The following DMRTA1 variants were observed in gnomAD, a reference collection of about 807,000 sequenced individuals.
DMRTA1 encodes the protein doublesex- and mab-3-related transcription factor A1.
Under a neutral mutation model 35.2 loss-of-function variants are expected in DMRTA1, and 34 were observed. That is an observed-to-expected ratio of 0.97 (90% CI 0.74 to 1.29). The LOEUF (loss-of-function observed/expected upper bound fraction) is 1.29. DMRTA1 is among the 50% of genes most tolerant of loss of function. The probability of loss-of-function intolerance (pLI) is 0.00; values close to 1 mark genes in which losing one functional copy is unlikely to be tolerated. For missense variants in DMRTA1, 824 were observed against 644.6 expected, an observed-to-expected ratio of 1.28 and a Z score of -3.01; for synonymous variants, 344 against 276.6, an observed-to-expected ratio of 1.24 and a Z score of -2.42.
Position 22,451,127 on chromosome 9 carries a change from A to T in DMRTA1, c.731A>T (p.His244Leu), listed in dbSNP as rs764433058. 36 of 1,613,892 alleles carry T rather than the reference A, an allele frequency of 2.2e-5. No homozygotes were observed. The highest frequency in any genetic ancestry group is 3.1e-5 in the Non-Finnish European group (36 of 1,179,950). The change falls in exon 2 of 2, where the codon CAT (histidine) becomes CTT (leucine). Residue 244 changes from histidine (H) to leucine (L), a missense_variant. Transcript: ENST00000325870. The part of the protein sequence containing the change: ...NGQEELISKS[H>L]QLYLGSSSRS... ...CAAGAAGAACTGATCTCCAAATCCC[A>T]TCAGCTTTACCTAGGATCATCTTCT...
At position 22,447,298 on chromosome 9, in the gene DMRTA1, C is replaced by A; in HGVS notation, c.233C>A (p.Pro78His). The part of the protein sequence containing the change: ...TSGSGGCPPA[P>H]GLESGVGAVG... ...GGAAGCGGAGGCTGCCCGCCGGCTC[C>A]CGGGCTGGAGAGCGGGGTAGGCGCG... The change falls in exon 1 of 2, where the codon CCC becomes CAC. Residue 78 changes from proline (P) to histidine (H), a missense_variant. Coordinates refer to ENST00000325870, the MANE Select transcript of DMRTA1 (RefSeq NM_022160.3). 1 of 1,509,884 alleles carries A rather than the reference C, an allele frequency of 6.6e-7. No individual in the cohort carries two copies. The highest frequency in any genetic ancestry group is 2.7e-5 in the East Asian group (1 of 36,556). The allele number at this position is 1,509,884 out of a possible 1,614,324, so 93.5% of individuals were successfully genotyped here.
chr9:22,450,979 T>G, intron 1 of DMRTA1, 85 bp from the exon 2 acceptor site: 1 of 1,341,614 alleles, frequency 7.5e-7, no homozygotes, highest in Non-Finnish European at 1.0e-6. Flanking sequence ...ATTAATTATA[T>G]TATCCAGCAT....
chr9:22,447,350 C>T lies in DMRTA1; in HGVS notation c.285C>T (p.Pro95=). 6.5e-7 allele frequency: 1 copy of T among 1,534,536 alleles called. No individual in the cohort carries two copies. Among genetic ancestry groups the T allele is most frequent in the Non-Finnish European group, 8.7e-7 (1 of 1,145,090 alleles). ...GAVGCGYPRT[P]KCARCRNHGV... is the part of the protein sequence containing the mutation. Reference sequence around the variant, plus strand: ...TGGGCTGCGGCTACCCGCGGACGCCCAAGTGCGCCCGCTGTCGTAACCATG... The same window carrying T: ...TGGGCTGCGGCTACCCGCGGACGCCTAAGTGCGCCCGCTGTCGTAACCATG... The change falls in exon 1 of 2, where the codon CCC becomes CCT. Residue 95 remains proline, a synonymous_variant. Transcript: ENST00000325870.
rs1245309001 is a variant in DMRTA1, at chr9:22,451,282, T to C, written c.886T>C (p.Ser296Pro). 2 of 1,614,096 alleles carry C rather than the reference T, an allele frequency of 1.2e-6. No homozygotes were observed. The change falls in exon 2 of 2, where the codon TCA becomes CCA. Residue 296 changes from serine to proline, a missense_variant. Coordinates refer to ENST00000325870, the MANE Select transcript of DMRTA1 (RefSeq NM_022160.3). ...SGGEESPRSLSSSDLESGNES... is the reference protein window; with the variant it reads ...SGGEESPRSLPSSDLESGNES... ...AGGTGAAGAGAGTCCCAGGTCCTTA[T>C]CATCCTCTGATCTGGAATCAGGAAA...
At chr9:22,450,567 T>C (rs538247) in intron 1 of DMRTA1, among the ~76,000 whole-genome samples, 42,192 of 152,088 alleles carry the variant, frequency 0.28, 7,205 homozygotes, top group African/African-American at 0.48. Context: ...TGTTAAAATT[T>C]AGCATTAGTG....
chr9:22,450,938 G>T, intron 1 of DMRTA1, 126 bp from the exon 2 acceptor site: 1 of 971,752 alleles, frequency 1.0e-6, no homozygotes, highest in Non-Finnish European at 1.5e-6. Flanking sequence ...ATGTCTTGGA[G>T]TGTATAAATA....
Position 22,451,695 on chromosome 9 carries a change from T to C in DMRTA1, c.1299T>C (p.Gly433=). The C allele has an allele frequency of 6.2e-7, 1 of 1,614,100 alleles. No individual in the cohort carries two copies. The highest frequency in any genetic ancestry group is 1.1e-5 in the South Asian group (1 of 91,082). ...TCTACGGCGTAAATCCTAGAGTAGG[T>C]ATCAGTCCATTAAGGCTGGCATATT... The part of the protein sequence containing the change: ...SSLYGVNPRV[G]ISPLRLAYSS... Residue 433 remains glycine (G), a synonymous_variant, in exon 2 of 2, where the codon GGT becomes GGC. Transcript: ENST00000325870.
Position 22,447,643 on chromosome 9 carries a change from C to T in DMRTA1, c.578C>T (p.Ala193Val), listed in dbSNP as rs761323285. ...ACGGGCGGCCCTGCGGCGGGGGCTG[C>T]GCTGGGACTGGGTGCCTTGAGACAG... Reference protein sequence around the residue: ...QSTGGPAAGAALGLGALRQAS... With the variant: ...QSTGGPAAGAVLGLGALRQAS... The change falls in exon 1 of 2, where the codon GCG becomes GTG. Residue 193 changes from alanine (A) to valine (V), a missense_variant. Transcript: ENST00000325870. 1.9e-5 allele frequency: 31 copies of T among 1,607,926 alleles called. No homozygotes were observed. The South Asian group carries it at 2.5e-4, about 13-fold the overall frequency.
In DMRTA1 at chr9:22,452,715, T is replaced by G. The variant is rs183176242; in HGVS notation, c.*804T>G. The G allele has an allele frequency of 6.6e-6, 1 of 152,268 alleles. No homozygotes were observed. Among genetic ancestry groups the G allele is most frequent in the East Asian group, 1.9e-4 (1 of 5,188 alleles). The allele number at this position is 152,268 out of a possible 1,614,324, so 9.4% of individuals were successfully genotyped here. A position where few individuals can be genotyped will look rare whatever the true frequency, so the allele number is the denominator to read the frequency against. On this transcript the variant is annotated 3_prime_UTR_variant, in exon 2 of 2. Transcript: ENST00000325870. ...TTTTTCAAATAGTCATTTTGGATTA[T>G]ACTACATTAAAATTTCCATACTGTA...
In DMRTA1 at chr9:22,447,245, G is replaced by A; in HGVS notation, c.180G>A (p.Ala60=). Residue 60 remains alanine (A), a synonymous_variant, in exon 1 of 2, where the codon GCG becomes GCA. Coordinates refer to ENST00000325870, the MANE Select transcript of DMRTA1 (RefSeq NM_022160.3). ...GCCTCTTTCTGCGAGCAGCGGCCGC[G>A]GCCGCCGCCGCCGCTGCCGCCACCT... is the stretch of plus-strand genomic sequence containing the variant. ...PPSLFLRAAA[A]AAAAAAATSG... is the part of the protein sequence containing the mutation. 1 of 1,505,358 alleles carries A rather than the reference G, an allele frequency of 6.6e-7. No individual in the cohort carries two copies. The highest frequency in any genetic ancestry group is 1.5e-5 in the African/African-American group (1 of 68,416). 93.3% of individuals were successfully genotyped at this position (1,505,358 alleles called of 1,614,324 possible). A position where few individuals can be genotyped will look rare whatever the true frequency, so the allele number is the denominator to read the frequency against.
intron 1 of DMRTA1, among the ~76,000 whole-genome samples, chr9:22,449,491 C>G (rs908651066): frequency 6.6e-6 from 1 of 152,028 alleles, no homozygotes; most frequent in Non-Finnish European, 1.5e-5. Flanking sequence ...ATATATTGTA[C>G]TGTGAGTAAA....
chr9:22,451,821 A>G lies in DMRTA1; in HGVS notation c.1425A>G (p.Ser475=), dbSNP rs1563826806. The change falls in exon 2 of 2, where the codon TCA becomes TCG. Residue 475 remains serine, a synonymous_variant. Transcript: ENST00000325870. ...PFRPALDYAF[S]GMIRDSSYLS... is the part of the protein sequence containing the mutation. ...GGCCAGCTTTGGATTATGCCTTTTCAGGGATGATTAGAGATTCTTCCTACC... is the reference window on the plus strand; with the variant it reads ...GGCCAGCTTTGGATTATGCCTTTTCGGGGATGATTAGAGATTCTTCCTACC... The G allele has an allele frequency of 2.5e-6, 4 of 1,614,080 alleles. No homozygotes were observed. The highest frequency in any genetic ancestry group is 1.1e-5 in the South Asian group (1 of 91,088).
At position 22,452,565 on chromosome 9, in the gene DMRTA1, ACT is replaced by A. The variant is rs1252271882; in HGVS notation, c.*655_*656del. On this transcript the variant is annotated 3_prime_UTR_variant, in exon 2 of 2. Transcript: ENST00000325870. ...AAAAACATTTCTCTTTAAAGTTGAC[ACT>A]GTGTCTATGAAGTAAATTTTAGGAA... The A allele has an allele frequency of 6.6e-6, 1 of 152,236 alleles. No homozygotes were observed. The highest frequency in any genetic ancestry group is 1.5e-5 in the Non-Finnish European group (1 of 68,072). The allele number at this position is 152,236 out of a possible 1,614,324, so 9.4% of individuals were successfully genotyped here.
intron 1 of DMRTA1, among the ~76,000 whole-genome samples, chr9:22,450,239 G>A (rs1204128642): frequency 6.6e-6 from 1 of 152,092 alleles, no homozygotes; most frequent in East Asian, 1.9e-4. Context: ...TGCCTAATAT[G>A]TTGTTTTTAA....
In DMRTA1 at chr9:22,453,564, A is replaced by G. The variant is rs1421750202; in HGVS notation, c.*1653A>G. On this transcript the variant is annotated 3_prime_UTR_variant, in exon 2 of 2. Transcript: ENST00000325870. ...TATTCATTTATTATAAAAAAGTTTT[A>G]TATTCTAAGCCTAAACCGTAGTACA... 6.6e-6 allele frequency: 1 copy of G among 152,104 alleles called. No individual in the cohort carries two copies. Among genetic ancestry groups the G allele is most frequent in the Non-Finnish European group, 1.5e-5 (1 of 67,938 alleles). 9.4% of individuals were successfully genotyped at this position (152,104 alleles called of 1,614,324 possible). A position where few individuals can be genotyped will look rare whatever the true frequency, so the allele number is the denominator to read the frequency against.
rs1818927945 is a variant in DMRTA1, at chr9:22,451,514, A to G, written c.1118A>G (p.Asn373Ser). Residue 373 changes from asparagine (N) to serine (S), a missense_variant, in exon 2 of 2, where the codon AAC (asparagine) becomes AGC (serine). Physicochemically the swap from Asn to Ser is conservative, Grantham distance 46. Transcript: ENST00000325870. ...VLNGKEHKPDNRNLANSEELE... is the reference protein window; with the variant it reads ...VLNGKEHKPDSRNLANSEELE... ...AATGGCAAAGAACACAAGCCAGACA[A>G]CAGGAACCTAGCAAACTCAGAAGAA... 1 of 1,614,178 alleles carries G rather than the reference A, an allele frequency of 6.2e-7. No individual in the cohort carries two copies.
chr9:22,448,685 T>A lies in DMRTA1; in HGVS notation c.667+953T>A, dbSNP rs527668579. Among the ~76,000 whole-genome samples, 10 of 152,242 alleles carry A rather than the reference T, an allele frequency of 6.6e-5. No individual in the cohort carries two copies. In the South Asian group the frequency reaches 1.9e-3, roughly 28 times the overall value. On this transcript the variant is annotated intron_variant, in intron 1 of 1. Coordinates refer to ENST00000325870, the MANE Select transcript of DMRTA1 (RefSeq NM_022160.3). ...ATTGTATGATAGCTATACAGTAAACTATTAATTAGAAACCTTCCTTGAATT... is the reference window on the plus strand; with the variant it reads ...ATTGTATGATAGCTATACAGTAAACAATTAATTAGAAACCTTCCTTGAATT...
Position 22,447,078 on chromosome 9 carries a change from C to G in DMRTA1, c.13C>G (p.Gln5Glu). MERS[Q>E]CGSRDRGVSG... ...AAATTTCTCGGGAATGGAGCGGTCACAGTGTGGCAGCAGAGACCGAGGCGT... is the reference window on the plus strand; with the variant it reads ...AAATTTCTCGGGAATGGAGCGGTCAGAGTGTGGCAGCAGAGACCGAGGCGT... The change falls in exon 1 of 2, where the codon CAG becomes GAG. Residue 5 changes from glutamine to glutamate, a missense_variant. By Grantham distance (29) the Gln-to-Glu change is conservative. Coordinates refer to ENST00000325870, the MANE Select transcript of DMRTA1 (RefSeq NM_022160.3). 6.2e-7 allele frequency: 1 copy of G among 1,609,390 alleles called. No individual in the cohort carries two copies. Among genetic ancestry groups the G allele is most frequent in the Non-Finnish European group, 8.5e-7 (1 of 1,178,562 alleles).
chr9:22,447,288 C>A lies in DMRTA1; in HGVS notation c.223C>A (p.Pro75Thr), dbSNP rs767550081. The A allele has an allele frequency of 5.4e-5, 82 of 1,505,238 alleles. No individual in the cohort carries two copies. Among genetic ancestry groups the A allele is most frequent in the Non-Finnish European group, 6.9e-5 (78 of 1,133,206 alleles). 93.2% of individuals were successfully genotyped at this position (1,505,238 alleles called of 1,614,324 possible). Residue 75 changes from proline (P) to threonine (T), a missense_variant, in exon 1 of 2, where the codon CCG (proline) becomes ACG (threonine). Pro to Thr is a conservative substitution (Grantham distance 38). Coordinates refer to ENST00000325870, the MANE Select transcript of DMRTA1 (RefSeq NM_022160.3). ...CGCCACCTCGGGAAGCGGAGGCTGC[C>A]CGCCGGCTCCCGGGCTGGAGAGCGG... is the stretch of plus-strand genomic sequence containing the variant. ...AAATSGSGGC[P>T]PAPGLESGVG...
Sources: allele counts gnomAD v4.1 joint callset (sites outside exome capture counted in the v4.1 genomes callset), GRCh38; gene constraint gnomAD v4.1.1; transcripts MANE v1.5; gene names NCBI Gene and HGNC (gene_info 2026-07-23, HGNC 2026-07-21).